Variants in MCTP2 observed in about 807,000 individuals in gnomAD.
MCTP2 encodes multiple C2 and transmembrane domain-containing protein 2.
A neutral mutation model predicts 111.6 loss-of-function variants in MCTP2; 132 were observed. That is an observed-to-expected ratio of 1.18 (90% CI 1.03 to 1.37). The LOEUF is 1.37. MCTP2 is among the 40% of genes most tolerant of loss of function. The probability of loss-of-function intolerance (pLI) is 0.00; values close to 1 mark genes in which losing one functional copy is unlikely to be tolerated. For missense variants in MCTP2, 1,183 were observed against 1,067.9 expected (o/e 1.11, Z -1.50); for synonymous variants, 395 against 387.7 (o/e 1.02, Z -0.22).
chr15:94,466,262 G>C (rs2073286822), intron 20 of MCTP2, among the ~76,000 whole-genome samples: 1 of 151,824 alleles, frequency 6.6e-6, no homozygotes, highest in South Asian at 2.1e-4. Context: ...ATGGTGTCAT[G>C]TGTCTTTTTG....
At chr15:94,253,786 C>T (rs1449844676) in intron 1 of MCTP2, among the ~76,000 whole-genome samples, 1 of 151,534 alleles carries the variant, frequency 6.6e-6, no homozygotes, top group Non-Finnish European at 1.5e-5. Flanking sequence ...ATGTGACAGA[C>T]CTAATTCTAC....
chr15:94,335,250 A>G (rs1204453285), intron 4 of MCTP2, among the ~76,000 whole-genome samples: 1 of 152,192 alleles, frequency 6.6e-6, no homozygotes, highest in Non-Finnish European at 1.5e-5. Context: ...CTTCGTATTA[A>G]AGTAATTCCA....
At position 94,458,205 on chromosome 15, in the gene MCTP2, C is replaced by T. The variant is rs773228389; in HGVS notation, c.2319C>T (p.Asn773=). 3.0e-5 allele frequency: 49 copies of T among 1,611,750 alleles called. No individual in the cohort carries two copies. Among genetic ancestry groups the T allele is most frequent in the Non-Finnish European group, 3.5e-5 (41 of 1,177,986 alleles). The change falls in exon 20 of 23, where the codon AAC becomes AAT. Residue 773 remains asparagine (N), a synonymous_variant. Coordinates refer to ENST00000357742, the MANE Select transcript of MCTP2 (RefSeq NM_001385001.1). ...AGGATATTGTTTCAACTGTTCAAAA[C>T]GTCTTGGAGGAAATAGCTTCTTTTG... ...MVQDIVSTVQ[N]VLEEIASFGE...
chr15:94,306,036 A>G (rs1286527120), intron 2 of MCTP2, among the ~76,000 whole-genome samples: 1 of 152,142 alleles, frequency 6.6e-6, no homozygotes, highest in African/African-American at 2.4e-5. Flanking sequence ...TGATGGTGAA[A>G]TTGGGATTAG....
chr15:94,467,905 AATAACAAAGATAGC>A (rs2073532996), intron 20 of MCTP2, among the ~76,000 whole-genome samples: 1 of 152,232 alleles, frequency 6.6e-6, no homozygotes, highest in South Asian at 2.1e-4. Flanking sequence ...AGAAATTCAG[AATAACAAAGATAGC>A]ATAATAAAGA....
chr15:94,458,733 T>TA (rs1485492881), intron 20 of MCTP2, among the ~76,000 whole-genome samples: 1 of 152,206 alleles, frequency 6.6e-6, no homozygotes, highest in Non-Finnish European at 1.5e-5. Flanking sequence ...ATGGATGTCT[T>TA]AGGACAGGAT....
chr15:94,273,232 A>C (rs10152505), intron 1 of MCTP2, among the ~76,000 whole-genome samples: 5,581 of 152,262 alleles, frequency 0.037, 349 homozygotes, highest in African/African-American at 0.13. Flanking sequence ...ACACAGCCAA[A>C]CACCTTTCAC....
At chr15:94,308,505 C>T (rs1229651882) in intron 2 of MCTP2, among the ~76,000 whole-genome samples, 2 of 152,172 alleles carry the variant, frequency 1.3e-5, no homozygotes, top group African/African-American at 4.8e-5. Flanking sequence ...TCCTCTTTGC[C>T]AATTGGGGAG....
Position 94,384,098 on chromosome 15 carries a change from C to A in MCTP2, c.1659C>A (p.Asn553Lys). 6.2e-7 allele frequency: 1 copy of A among 1,613,640 alleles called. No homozygotes were observed. The highest frequency in any genetic ancestry group is 8.5e-7 in the Non-Finnish European group (1 of 1,179,746). Residue 553 changes from asparagine (N) to lysine (K), a missense_variant, in exon 13 of 23, where the codon AAC becomes AAA. By Grantham distance (94) the Asn-to-Lys change is moderately conservative (BLOSUM62 0). Coordinates refer to ENST00000357742, the MANE Select transcript of MCTP2 (RefSeq NM_001385001.1). ...CGCATACCGTCTACAAAAACCTCAA[C>A]CCTGAATGGAACAAAGTTTTTACAT... ...LQTHTVYKNL[N>K]PEWNKVFTFP...
At chr15:94,394,122 A>G (rs1284942462) in intron 14 of MCTP2, among the ~76,000 whole-genome samples, 4 of 151,964 alleles carry the variant, frequency 2.6e-5, no homozygotes, top group Non-Finnish European at 5.9e-5. Context: ...TGATTTATTC[A>G]ATTATGATCA....
At chr15:94,401,417 C>T (rs751531995) in intron 16 of MCTP2, among the ~76,000 whole-genome samples, 4 of 152,126 alleles carry the variant, frequency 2.6e-5, no homozygotes, top group Non-Finnish European at 5.9e-5. Flanking sequence ...CTCTGTAGAC[C>T]TCTGGACTAG....
At chr15:94,466,401 C>A (rs985390640) in intron 20 of MCTP2, among the ~76,000 whole-genome samples, 2 of 152,102 alleles carry the variant, frequency 1.3e-5, no homozygotes, top group Admixed American at 6.6e-5. Flanking sequence ...TACTACCAGT[C>A]CCAGGACCTA....
intron 17 of MCTP2, among the ~76,000 whole-genome samples, chr15:94,427,054 G>A (rs1332450116): frequency 2.0e-5 from 3 of 152,050 alleles, no homozygotes; most frequent in Admixed American, 1.3e-4. Context: ...TTCATCCTAA[G>A]CATGCATGGC....
In MCTP2 at chr15:94,479,005, C is replaced by T. The variant is rs754565811; in HGVS notation, c.2608C>T (p.Pro870Ser). ...ATTGAAACTCTGCAGCAGCCACAGCCCCCTGCGGAAGAAGCGCAGCGCTCT... is the reference window on the plus strand; with the variant it reads ...ATTGAAACTCTGCAGCAGCCACAGCTCCCTGCGGAAGAAGCGCAGCGCTCT... ...AELKLCSSHS[P>S]LRKKRSAL Residue 870 changes from proline (P) to serine (S), a missense_variant, in exon 23 of 23, where the codon CCC becomes TCC. Coordinates refer to ENST00000357742, the MANE Select transcript of MCTP2 (RefSeq NM_001385001.1). The T allele has an allele frequency of 6.8e-6, 11 of 1,613,952 alleles. No individual in the cohort carries two copies. In the East Asian group the frequency reaches 2.2e-4, roughly 33 times the overall value.
intron 12 of MCTP2, among the ~76,000 whole-genome samples, chr15:94,372,506 A>T (rs1454889756): frequency 6.6e-6 from 1 of 152,230 alleles, no homozygotes; most frequent in Non-Finnish European, 1.5e-5. Flanking sequence ...AATACCTCTA[A>T]GAGGTCAGCG....
rs770588748 is a variant in MCTP2 at position 94,298,456 on chromosome 15, A to G, written c.191A>G (p.Glu64Gly). 4.3e-6 allele frequency: 7 copies of G among 1,613,988 alleles called. No individual in the cohort carries two copies. The highest frequency in any genetic ancestry group is 2.7e-5 in the African/African-American group (2 of 74,914). Reference protein sequence around the residue: ...DLLEAEALAPEGRPYSGPQSS... With the variant: ...DLLEAEALAPGGRPYSGPQSS... ...CTGGAGGCTGAGGCCTTGGCCCCAGAGGGCCGGCCTTACTCCGGGCCACAG... is the reference window on the plus strand; with the variant it reads ...CTGGAGGCTGAGGCCTTGGCCCCAGGGGGCCGGCCTTACTCCGGGCCACAG... The change falls in exon 2 of 23, where the codon GAG becomes GGG. Residue 64 changes from glutamate to glycine, a missense_variant. By Grantham distance (98) the Glu-to-Gly change is moderately conservative. Coordinates refer to ENST00000357742, the MANE Select transcript of MCTP2 (RefSeq NM_001385001.1).
chr15:94,361,097 T>G (rs1210712868), intron 10 of MCTP2, among the ~76,000 whole-genome samples: 2 of 138,718 alleles, frequency 1.4e-5, no homozygotes, highest in African/African-American at 2.7e-5. Context: ...TTTTTTTTTT[T>G]TTTTTTTTTT....
chr15:94,245,398 G>A (rs368596228), intron 1 of MCTP2, among the ~76,000 whole-genome samples: 3 of 50,936 alleles, frequency 5.9e-5, no homozygotes, highest in Admixed American at 1.7e-4. Context: ...TTATATACAT[G>A]TGTGTATATA....
At chr15:94,385,912 G>T (rs1181217551) in intron 14 of MCTP2, among the ~76,000 whole-genome samples, 2 of 152,176 alleles carry the variant, frequency 1.3e-5, no homozygotes, top group African/African-American at 4.8e-5. Flanking sequence ...TTTCTTCAAA[G>T]ATTAATTGTT....
Sources: gnomAD v4.1 joint callset for allele counts (sites outside exome capture counted in the v4.1 genomes callset) on GRCh38, gnomAD v4.1.1 for gene constraint, MANE v1.5 for transcripts, NCBI Gene and HGNC (gene_info 2026-07-23, HGNC 2026-07-21) for gene names.